DPYD: variants seen among roughly 807,000 people sequenced by gnomAD.
DPYD encodes dihydropyrimidine dehydrogenase.
DPYD carries 109 observed loss-of-function variants against 116.2 expected under a neutral mutation model. The observed-to-expected ratio is 0.94, with a 90% confidence interval of 0.80 to 1.10. The LOEUF (loss-of-function observed/expected upper bound fraction) is 1.10. Among genes scored for constraint, DPYD ranks in the 50% least tolerant of loss-of-function variants. The pLI is 0.00. For missense variants in DPYD, 1,302 were observed against 1,254.5 expected (o/e 1.04, Z -0.57); for synonymous variants, 440 against 432.0 (o/e 1.02, Z -0.23).
intron 14 of DPYD, among the ~76,000 whole-genome samples, chr1:97,438,147 C>T (rs10875087): frequency 0.38 from 57,690 of 151,794 alleles, 11,443 homozygotes; most frequent in East Asian, 0.65. Flanking sequence ...TAACATAGCT[C>T]GGTATCAGAA....
intron 8 of DPYD, among the ~76,000 whole-genome samples, chr1:97,668,457 CTATTT>C (rs1397672123): frequency 6.6e-6 from 1 of 152,020 alleles, no homozygotes; most frequent in African/African-American, 2.4e-5. Context: ...TGTAGCTATT[CTATTT>C]ATTATATTTA....
intron 14 of DPYD, among the ~76,000 whole-genome samples, chr1:97,396,584 G>A (rs1466309021): frequency 6.6e-6 from 1 of 151,996 alleles, no homozygotes; most frequent in African/African-American, 2.4e-5. Flanking sequence ...AGGAACCAAT[G>A]GGATGATTCA....
At chr1:97,821,331 C>CAAAAAAAAAAA (rs35940342) in intron 3 of DPYD, among the ~76,000 whole-genome samples, 2 of 113,848 alleles carry the variant, frequency 1.8e-5, no homozygotes, top group African/African-American at 3.4e-5. Context: ...AACTCCACCT[C>CAAAAAAAAAAA]AAAAAAAAAA....
intron 12 of DPYD, 73 bp downstream of exon 12, chr1:97,549,487 G>C (rs1192815668): frequency 6.8e-7 from 1 of 1,476,210 alleles, no homozygotes; most frequent in Non-Finnish European, 9.5e-7. Context: ...TGCTCTTATA[G>C]ATGAGTATCA....
At chr1:97,143,260 C>T (rs1170809613) in intron 20 of DPYD, among the ~76,000 whole-genome samples, 1 of 151,980 alleles carries the variant, frequency 6.6e-6, no homozygotes, top group Non-Finnish European at 1.5e-5. Flanking sequence ...TTTTGGAATT[C>T]CTTCTTGCTA....
chr1:97,239,262 T>C (rs1252560178), intron 18 of DPYD, among the ~76,000 whole-genome samples: 2 of 152,188 alleles, frequency 1.3e-5, no homozygotes, highest in African/African-American at 4.8e-5. Flanking sequence ...AGTTAATCAA[T>C]CTGATTTTGA....
rs1245721608 is a variant in DPYD at position 97,827,852 on chromosome 1, TAGTATA to T, written c.233+256_233+261del. ...AATATTTTCATTCAATCACACAGTT[TAGTATA>T]AGTATAAAACAAGACACCCCTTAAG... On this transcript the variant is annotated intron_variant, in intron 3 of 22. Coordinates refer to ENST00000370192, the MANE Select transcript of DPYD (RefSeq NM_000110.4). Among the ~76,000 whole-genome samples, 9 of 152,284 alleles carry T rather than the reference TAGTATA, an allele frequency of 5.9e-5. 1 individual carries two copies. Among genetic ancestry groups the T allele is most frequent in the Admixed American group, 2.6e-4 (4 of 15,286 alleles).
intron 3 of DPYD, among the ~76,000 whole-genome samples, chr1:97,792,279 A>AT (rs551797517): frequency 0.01 from 1,505 of 146,668 alleles, 12 homozygotes; most frequent in Middle Eastern, 0.025. Flanking sequence ...TTTTTATTTT[A>AT]TTTTTTTTTT....
At chr1:97,514,709 C>T (rs1313356154) in intron 13 of DPYD, among the ~76,000 whole-genome samples, 2 of 151,542 alleles carry the variant, frequency 1.3e-5, no homozygotes, top group East Asian at 1.9e-4. Context: ...TTTTTTCCTG[C>T]ACTGTTTTTT....
At chr1:97,694,369 C>T (rs968250424) in intron 6 of DPYD, among the ~76,000 whole-genome samples, 1 of 152,094 alleles carries the variant, frequency 6.6e-6, no homozygotes, top group African/African-American at 2.4e-5. Flanking sequence ...ATCAGCAGAA[C>T]AACATGACAA....
intron 13 of DPYD, among the ~76,000 whole-genome samples, chr1:97,506,712 C>G (rs1378312008): frequency 1.3e-5 from 2 of 151,856 alleles, no homozygotes; most frequent in Non-Finnish European, 2.9e-5. Flanking sequence ...AAATCACAGC[C>G]TGAAATGGGA....
intron 14 of DPYD, among the ~76,000 whole-genome samples, chr1:97,438,504 GTTGT>G (rs1396565134): frequency 6.6e-6 from 1 of 151,864 alleles, no homozygotes; most frequent in Non-Finnish European, 1.5e-5. Flanking sequence ...TTAATTTCCA[GTTGT>G]TTATTGCTTG....
At chr1:97,116,250 T>C (rs761677528) in intron 20 of DPYD, among the ~76,000 whole-genome samples, 1 of 152,190 alleles carries the variant, frequency 6.6e-6, no homozygotes, top group Non-Finnish European at 1.5e-5. Flanking sequence ...TTGATCCCTC[T>C]AGCTGGCTCC....
chr1:97,298,732 G>A (rs890166998), intron 18 of DPYD, among the ~76,000 whole-genome samples: 4 of 152,130 alleles, frequency 2.6e-5, no homozygotes, highest in African/African-American at 9.7e-5. Flanking sequence ...GGATAGAGAT[G>A]GTGAGGAATC....
chr1:97,540,548 C>G (rs144215160), intron 12 of DPYD, among the ~76,000 whole-genome samples: 2 of 152,074 alleles, frequency 1.3e-5, no homozygotes, highest in Admixed American at 1.3e-4. Context: ...TCTTGGCACA[C>G]GGAAGCGTTC....
At chr1:97,656,469 A>G (rs1658910153) in intron 8 of DPYD, among the ~76,000 whole-genome samples, 1 of 152,162 alleles carries the variant, frequency 6.6e-6, no homozygotes, top group Non-Finnish European at 1.5e-5. Context: ...GGTACTACCA[A>G]TCTTGAAACC....
At chr1:97,529,739 CTTCTTTCCCTTCCTTTCT>C (rs1280346246) in intron 12 of DPYD, among the ~76,000 whole-genome samples, 1 of 122,242 alleles carries the variant, frequency 8.2e-6, no homozygotes, top group Non-Finnish European at 1.7e-5. Context: ...CCTTTCTTTC[CTTCTTTCCCTTCCTTTCT>C]TTCTTTCTCT....
At chr1:97,486,248 G>A (rs1678627323) in intron 13 of DPYD, among the ~76,000 whole-genome samples, 1 of 152,112 alleles carries the variant, frequency 6.6e-6, no homozygotes, top group Non-Finnish European at 1.5e-5. Context: ...AATATGTAAG[G>A]ATAGAATCTA....
At chr1:97,751,454 G>GTATATA (rs1457273757) in intron 3 of DPYD, among the ~76,000 whole-genome samples, 31 of 29,398 alleles carry the variant, frequency 1.1e-3, no homozygotes, top group African/African-American at 2.6e-3. Context: ...GTGTGTGTGT[G>GTATATA]TGTGTGTATA....
Sources: allele counts gnomAD v4.1 joint callset (sites outside exome capture counted in the v4.1 genomes callset), GRCh38; gene constraint gnomAD v4.1.1; transcripts MANE v1.5; gene names NCBI Gene and HGNC (gene_info 2026-07-23, HGNC 2026-07-21).